HIVEP2: variants seen among roughly 807,000 people sequenced by gnomAD.
HIVEP2 encodes transcription factor HIVEP2.
Under a neutral mutation model 180.7 loss-of-function variants are expected in HIVEP2, and 14 were observed. That is an observed-to-expected ratio of 0.08 (90% CI 0.05 to 0.12). HIVEP2 has a LOEUF of 0.12. Ranked by LOEUF, HIVEP2 falls within the 10% of genes least tolerant of loss-of-function variation. HIVEP2 has a pLI of 1.00. For synonymous variants in HIVEP2, 1,184 were observed against 1,136.4 expected, an observed-to-expected ratio of 1.04 and a Z score of -0.84; for missense variants, 2,579 against 3,008.5, an observed-to-expected ratio of 0.86 and a Z score of 3.34.
rs749348350 is a variant in HIVEP2 at position 142,773,290 on chromosome 6, T to C, written c.1449A>G (p.Gly483=). 1.2e-6 allele frequency: 2 copies of C among 1,614,204 alleles called. No individual in the cohort carries two copies. The highest frequency in any genetic ancestry group is 1.7e-5 in the Admixed American group (1 of 60,020). ...TGCTCGTTTGACTGGGGTCGACATC[T>C]CCCTTGCTTGGGATCAGCTGTGAAA... is the stretch of plus-strand genomic sequence containing the variant. ...DPVSQLIPSK[G]DVDPSQTSML... The change falls in exon 5 of 10, where the codon GGA becomes GGG. Residue 483 remains glycine (G), a synonymous_variant. Coordinates refer to ENST00000367603, the MANE Select transcript of HIVEP2 (RefSeq NM_006734.4).
chr6:142,761,578 G>T lies in HIVEP2; in HGVS notation c.5519-13C>A. ...TTCGTTAGGTTTCCTTGAAAATGTAGCAAAAAAAAGAGAGAAATTAATTGG... is the reference window on the plus strand; with the variant it reads ...TTCGTTAGGTTTCCTTGAAAATGTATCAAAAAAAAGAGAGAAATTAATTGG... On this transcript the variant is annotated splice_polypyrimidine_tract_variant and intron_variant, in intron 7 of 9. Coordinates refer to ENST00000367603, the MANE Select transcript of HIVEP2 (RefSeq NM_006734.4). 1 of 1,410,696 alleles carries T rather than the reference G, an allele frequency of 7.1e-7. No individual in the cohort carries two copies. The highest frequency in any genetic ancestry group is 1.0e-6 in the Non-Finnish European group (1 of 1,000,016). The allele number at this position is 1,410,696 out of a possible 1,614,324, so 87.4% of individuals were successfully genotyped here. A position where few individuals can be genotyped will look rare whatever the true frequency, so the allele number is the denominator to read the frequency against.
At chr6:142,805,112 A>G (rs988294446) in intron 2 of HIVEP2, among the ~76,000 whole-genome samples, 1 of 152,126 alleles carries the variant, frequency 6.6e-6, no homozygotes, top group Non-Finnish European at 1.5e-5. Context: ...CAAAACATAC[A>G]CCAGGTATAA....
chr6:142,940,975 T>G (rs1582981580), intron 1 of HIVEP2, among the ~76,000 whole-genome samples: 1 of 152,288 alleles, frequency 6.6e-6, no homozygotes, highest in South Asian at 2.1e-4. Flanking sequence ...CTCAAATAGA[T>G]GTAAACAATT....
At position 142,897,913 on chromosome 6, in the gene HIVEP2, G is replaced by A. The variant is rs116746239; in HGVS notation, c.-641+47186C>T. 3.8e-3 allele frequency among the ~76,000 whole-genome samples: 576 copies of A among 152,228 alleles called. 3 individuals are homozygous for A. Among genetic ancestry groups the A allele is most frequent in the African/African-American group, 0.013 (549 of 41,534 alleles). On this transcript the variant is annotated intron_variant, in intron 1 of 9. Coordinates refer to ENST00000367603, the MANE Select transcript of HIVEP2 (RefSeq NM_006734.4). ...ATAGATGCTAAGATCCTGAGGCCAGGGACTAATCCTTGTCTATCTCGGCTT... is the reference window on the plus strand; with the variant it reads ...ATAGATGCTAAGATCCTGAGGCCAGAGACTAATCCTTGTCTATCTCGGCTT...
At chr6:142,896,225 T>C (rs1044795643) in intron 1 of HIVEP2, among the ~76,000 whole-genome samples, 1 of 149,844 alleles carries the variant, frequency 6.7e-6, no homozygotes, top group Non-Finnish European at 1.5e-5. Flanking sequence ...CACTTAGTGT[T>C]TGTTCTTCAA....
intron 1 of HIVEP2, among the ~76,000 whole-genome samples, chr6:142,896,208 ATCTTCACACTTAGTGTTTGT>A (rs1194086867): frequency 1.3e-5 from 2 of 151,878 alleles, no homozygotes; most frequent in Non-Finnish European, 1.5e-5. Flanking sequence ...TACCTTCCTA[ATCTTCACACTTAGTGTTTGT>A]TCTTCAACCT....
intron 1 of HIVEP2, among the ~76,000 whole-genome samples, chr6:142,938,707 G>C (rs1246811119): frequency 6.6e-6 from 1 of 152,184 alleles, no homozygotes; most frequent in Non-Finnish European, 1.5e-5. Context: ...TACTGCCCTA[G>C]TTTCAAAAGT....
Position 142,922,396 on chromosome 6 carries a change from G to A in HIVEP2, c.-641+22703C>T, listed in dbSNP as rs111968807. 5.9e-3 allele frequency among the ~76,000 whole-genome samples: 891 copies of A among 152,008 alleles called. 5 individuals carry two copies. Among genetic ancestry groups the A allele is most frequent in the Non-Finnish European group, 0.01 (685 of 67,960 alleles). The stretch of plus-strand genomic sequence containing the variant: ...CTTCACTTGACTATGATGTCTTTGG[G>A]GATAGCAACACAAGCTCTCAATTCG... On this transcript the variant is annotated intron_variant, in intron 1 of 9. Coordinates refer to ENST00000367603, the MANE Select transcript of HIVEP2 (RefSeq NM_006734.4).
chr6:142,872,085 T>TGCGTAGGTA (rs1348053566), intron 1 of HIVEP2, among the ~76,000 whole-genome samples: 1 of 152,062 alleles, frequency 6.6e-6, no homozygotes, highest in African/African-American at 2.4e-5. Context: ...GCTGGACCAG[T>TGCGTAGGTA]GCGTAGGTAT....
chr6:142,793,656 C>CTTTCTTTCTTTCTTT (rs1269273663), intron 2 of HIVEP2, among the ~76,000 whole-genome samples: 2 of 77,350 alleles, frequency 2.6e-5, no homozygotes, highest in South Asian at 5.4e-4. Context: ...TTCTTTCTTT[C>CTTTCTTTCTTTCTTT]TTTTTTCTTT....
At chr6:142,908,854 C>CAAAAAA (rs11443809) in intron 1 of HIVEP2, among the ~76,000 whole-genome samples, 1 of 87,844 alleles carries the variant, frequency 1.1e-5, no homozygotes. Flanking sequence ...TACCACCTCT[C>CAAAAAA]AAAAAAAAAA....
chr6:142,774,024 G>A lies in HIVEP2; in HGVS notation c.715C>T (p.His239Tyr). 1 of 1,614,268 alleles carries A rather than the reference G, an allele frequency of 6.2e-7. No individual in the cohort carries two copies. Among genetic ancestry groups the A allele is most frequent in the Non-Finnish European group, 8.5e-7 (1 of 1,180,052 alleles). The change falls in exon 5 of 10, where the codon CAT becomes TAT. Residue 239 changes from histidine (H) to tyrosine (Y), a missense_variant. Physicochemically the swap from His to Tyr is moderately conservative, Grantham distance 83. This residue lies in a region of HIVEP2 where 142 missense variants were observed against 135.2 expected (regional missense o/e 1.05). Transcript: ENST00000367603. The surrounding 1 kb of genome is among the most constrained non-coding windows in gnomAD (Gnocchi z 5.1). ...KSNLYKHRKS[H>Y]AHAIKAGLVP... ...AATCCTGCCTTAATTGCATGGGCAT[G>A]TGACTTCCTGTGCTTGTACAAATTG...
intron 1 of HIVEP2, among the ~76,000 whole-genome samples, chr6:142,927,837 G>T (rs1777853641): frequency 6.6e-6 from 1 of 152,096 alleles, no homozygotes; most frequent in East Asian, 1.9e-4. Flanking sequence ...TGTGGCTTAC[G>T]GTTAATAACG....
intron 1 of HIVEP2, among the ~76,000 whole-genome samples, chr6:142,929,548 G>A (rs888242546): frequency 6.6e-6 from 1 of 152,114 alleles, no homozygotes; most frequent in African/African-American, 2.4e-5. Flanking sequence ...TAACTGTGAG[G>A]ATAAAAGGAA....
intron 1 of HIVEP2, among the ~76,000 whole-genome samples, chr6:142,860,667 A>T (rs1318079911): frequency 2.6e-5 from 4 of 152,136 alleles, no homozygotes; most frequent in Non-Finnish European, 2.9e-5. Flanking sequence ...AATAGGGTTC[A>T]CGCTTCTGTG....
intron 1 of HIVEP2, among the ~76,000 whole-genome samples, chr6:142,881,121 C>T (rs1365788851): frequency 6.6e-6 from 1 of 152,140 alleles, no homozygotes; most frequent in Non-Finnish European, 1.5e-5. Context: ...CTTGTTCCCT[C>T]AGGAGGGAAA....
At chr6:142,882,405 GT>G (rs921706167) in intron 1 of HIVEP2, among the ~76,000 whole-genome samples, 1 of 152,052 alleles carries the variant, frequency 6.6e-6, no homozygotes, top group African/African-American at 2.4e-5. Flanking sequence ...GAGGCCAGGA[GT>G]TTGAGATCAG....
rs1275220558 is a variant in HIVEP2, at chr6:142,868,451, G to C, written c.-640-31404C>G. 2.6e-5 allele frequency among the ~76,000 whole-genome samples: 4 copies of C among 152,124 alleles called. No homozygotes were observed. The East Asian group carries it at 7.7e-4, about 29-fold the overall frequency. On this transcript the variant is annotated intron_variant, in intron 1 of 9. Coordinates refer to ENST00000367603, the MANE Select transcript of HIVEP2 (RefSeq NM_006734.4). ...TATCCCTATAATAATTAATAACCAA[G>C]TATGTCTATTTGTCTCCTTATGCTA...
At chr6:142,765,058 G>T in intron 6 of HIVEP2, 84 bp from the exon 7 acceptor site, 1 of 1,307,586 alleles carries the variant, frequency 7.6e-7, no homozygotes, top group Non-Finnish European at 1.0e-6. Context: ...TATTTGCACG[G>T]CAAAGTTTTA....
Sources: gnomAD v4.1 joint callset for allele counts (sites outside exome capture counted in the v4.1 genomes callset) on GRCh38, gnomAD v4.1.1 for gene constraint, gnomAD v4.1.1 regional missense constraint, Gnocchi (gnomAD v3.1) non-coding constraint, MANE v1.5 for transcripts, NCBI Gene and HGNC (gene_info 2026-07-23, HGNC 2026-07-21) for gene names.